Variants in CELF1 observed in about 807,000 individuals in gnomAD.
CELF1 encodes 50 kDa nuclear polyadenylated RNA-binding protein.
Under a neutral mutation model 61.8 loss-of-function variants are expected in CELF1, and 10 were observed. The observed-to-expected ratio is 0.16, with a 90% CI of 0.10 to 0.27. The LOEUF (loss-of-function observed/expected upper bound fraction) is 0.27, where lower values mean the gene tolerates loss of function less well. CELF1 is among the 10% of genes least tolerant of loss of function. The probability of loss-of-function intolerance (pLI) is 1.00; values close to 1 mark genes in which losing one functional copy is unlikely to be tolerated. For missense variants in CELF1, 380 were observed against 639.1 expected, an observed-to-expected ratio of 0.59 and a Z score of 4.37; for synonymous variants, 236 against 225.1, an observed-to-expected ratio of 1.05 and a Z score of -0.43.
chr11:47,542,496 ATTTTTTTTTTT>A (rs112443041), intron 1 of CELF1, among the ~76,000 whole-genome samples: 1 of 121,810 alleles, frequency 8.2e-6, no homozygotes. Flanking sequence ...TACTTTCTCC[ATTTTTTTTTTT>A]TTTTTTTTTT....
At chr11:47,534,504 A>T (rs1031080355) in intron 1 of CELF1, among the ~76,000 whole-genome samples, 2 of 152,078 alleles carry the variant, frequency 1.3e-5, no homozygotes, top group South Asian at 2.1e-4. Context: ...AGGCAGACAG[A>T]TCACAAGGTA....
Position 47,538,659 on chromosome 11 carries a change from A to AAT in CELF1, c.-154+14332_-154+14333insAT, listed in dbSNP as rs1555189681. On this transcript the variant is annotated intron_variant, in intron 1 of 14. Transcript: ENST00000687097. ...CTCCGTCTCAAAAAAAAAAAAAAAAAAAATCTCCATTTCAAAACTAGCTTG... is the reference window on the plus strand; with the variant it reads ...CTCCGTCTCAAAAAAAAAAAAAAAAAATAAATCTCCATTTCAAAACTAGCTTG... 7.0e-4 allele frequency among the ~76,000 whole-genome samples: 105 copies of AAT among 149,074 alleles called. 2 individuals are homozygous for AAT. Among genetic ancestry groups the AAT allele is most frequent in the East Asian group, 4.3e-3 (22 of 5,060 alleles).
intron 6 of CELF1, among the ~76,000 whole-genome samples, chr11:47,485,546 A>G (rs1414396156): frequency 2.0e-5 from 3 of 151,562 alleles, no homozygotes; most frequent in African/African-American, 7.3e-5. Flanking sequence ...AGTGGAAGAG[A>G]ATACACCTTT....
chr11:47,488,763 T>TA (rs2089331713), intron 4 of CELF1, 74 bp downstream of exon 4: 2 of 1,231,388 alleles, frequency 1.6e-6, no homozygotes, highest in Non-Finnish European at 2.1e-6. Context: ...TGTATCCTGT[T>TA]AAAAACCCAA....
intron 1 of CELF1, among the ~76,000 whole-genome samples, chr11:47,514,373 C>G (rs2095427686): frequency 6.6e-6 from 1 of 152,042 alleles, no homozygotes; most frequent in African/African-American, 2.4e-5. Flanking sequence ...TTGACTCTGC[C>G]AATAGCATCC....
chr11:47,539,489 C>A (rs552475214), intron 1 of CELF1, among the ~76,000 whole-genome samples: 1 of 152,212 alleles, frequency 6.6e-6, no homozygotes, highest in South Asian at 2.1e-4. Context: ...CCTGTTTCTA[C>A]TAAAAATACA....
At chr11:47,487,898 G>A (rs944871441) in intron 4 of CELF1, among the ~76,000 whole-genome samples, 1 of 151,950 alleles carries the variant, frequency 6.6e-6, no homozygotes, top group Non-Finnish European at 1.5e-5. Flanking sequence ...TAAATCTTGG[G>A]CTTAAATGTT....
intron 1 of CELF1, among the ~76,000 whole-genome samples, chr11:47,506,362 G>T (rs919975495): frequency 7.0e-6 from 1 of 141,994 alleles, no homozygotes. Context: ...GGGAGGCGGA[G>T]GGGTTGCAGT....
chr11:47,483,330 T>C, intron 8 of CELF1, 123 bp downstream of exon 8: 1 of 740,212 alleles, frequency 1.4e-6, no homozygotes, highest in Non-Finnish European at 2.4e-6. Context: ...TTTTTAACTT[T>C]AAGATGTTGG....
rs2097223237 is a variant in CELF1, at chr11:47,561,088, A to C, written c.-11+3263T>G. The stretch of plus-strand genomic sequence containing the variant: ...GGGAGGCAGAGCTTGTATTGAGTGG[A>C]GATCATGCCACTGCACTCTAGCCTG... On this transcript the variant is annotated intron_variant, in intron 2 of 3. Coordinates refer to the CELF1 transcript ENST00000525841. Among the ~76,000 whole-genome samples, 3 of 145,166 alleles carry C rather than the reference A, an allele frequency of 2.1e-5. No individual in the cohort carries two copies. The Admixed American group carries it at 2.2e-4, about 10-fold the overall frequency.
intron 1 of CELF1, among the ~76,000 whole-genome samples, chr11:47,546,467 A>G (rs1425566003): frequency 6.6e-6 from 1 of 151,492 alleles, no homozygotes; most frequent in Non-Finnish European, 1.5e-5. Context: ...GGTTTCTCAG[A>G]TGATCCGCCC....
chr11:47,501,144 G>A (rs1328491317), intron 1 of CELF1, among the ~76,000 whole-genome samples: 1 of 152,214 alleles, frequency 6.6e-6, no homozygotes, highest in East Asian at 1.9e-4. Flanking sequence ...TACTGTAACA[G>A]CAGCTTACTG....
intron 3 of CELF1, 127 bp from the exon 4 acceptor site, chr11:47,489,151 T>C: frequency 1.2e-6 from 1 of 803,518 alleles, no homozygotes; most frequent in Non-Finnish European, 1.8e-6. Context: ...CTTTCACTAC[T>C]TCCATTCAGT....
intron 13 of CELF1, among the ~76,000 whole-genome samples, chr11:47,473,755 CAT>C (rs992011927): frequency 2.6e-5 from 4 of 152,124 alleles, no homozygotes; most frequent in African/African-American, 7.2e-5. Context: ...TGTCAATACT[CAT>C]ATAGCTGTAT....
rs1157020316 is a variant in CELF1, at chr11:47,486,879, C to T, written c.343-81G>A. 1.0e-4 allele frequency: 112 copies of T among 1,098,530 alleles called. 1 individual carries two copies. In the East Asian group the frequency reaches 2.5e-3, roughly 25 times the overall value. The allele number at this position is 1,098,530 out of a possible 1,614,324, so 68.0% of individuals were successfully genotyped here. A position where few individuals can be genotyped will look rare whatever the true frequency, so the allele number is the denominator to read the frequency against. ...ACATATGGACTCTAAAATACCAGAA[C>T]TAGAGCTTTAAAGAGTTCTCTCTGA... On this transcript the variant is annotated intron_variant, in intron 5 of 14. Transcript: ENST00000687097.
Position 47,530,249 on chromosome 11 carries a change from C to G in CELF1, c.-154+22743G>C, listed in dbSNP as rs2096420254. Among the ~76,000 whole-genome samples the G allele has an allele frequency of 3.3e-5, 5 of 152,040 alleles. No individual in the cohort carries two copies. The South Asian group carries it at 1.0e-3, about 31-fold the overall frequency. ...CCCAAAGATGATATAATAGAGTCAA[C>G]TATGCAGAAGATCCAAGTTCAAGGA... On this transcript the variant is annotated intron_variant, in intron 1 of 14. Coordinates refer to ENST00000687097, the MANE Select transcript of CELF1 (RefSeq NM_001376376.1).
At chr11:47,493,388 G>C (rs2092318033) in intron 3 of CELF1, among the ~76,000 whole-genome samples, 1 of 149,530 alleles carries the variant, frequency 6.7e-6, no homozygotes, top group Non-Finnish European at 1.5e-5. Context: ...CACACCTGTA[G>C]TCCCAGCTAC....
At chr11:47,489,784 T>A (rs1400075356) in intron 3 of CELF1, among the ~76,000 whole-genome samples, 1 of 152,116 alleles carries the variant, frequency 6.6e-6, no homozygotes, top group Non-Finnish European at 1.5e-5. Context: ...TCCTATCACA[T>A]TGTACTTGTA....
In CELF1 at chr11:47,467,688, AC is replaced by A. The variant is rs2076901124; in HGVS notation, c.*4541del. The A allele has an allele frequency of 6.6e-6, 1 of 152,058 alleles. No homozygotes were observed. The highest frequency in any genetic ancestry group is 2.4e-5 in the African/African-American group (1 of 41,344). 9.4% of individuals were successfully genotyped at this position (152,058 alleles called of 1,614,324 possible). ...CACCTGCTGCCACCTTCTAGGCTCT[AC>A]CTCTGCTTCTCGTGTCTCTCCAGGC... On this transcript the variant is annotated 3_prime_UTR_variant, in exon 15 of 15. Transcript: ENST00000687097.
Sources: gnomAD v4.1 joint callset for allele counts (sites outside exome capture counted in the v4.1 genomes callset) on GRCh38, gnomAD v4.1.1 for gene constraint, MANE v1.5 for transcripts, NCBI Gene and HGNC (gene_info 2026-07-23, HGNC 2026-07-21) for gene names.